The following TTC7B variants were observed in gnomAD, a reference collection of about 807,000 sequenced individuals.
TTC7B encodes the protein tetratricopeptide repeat domain 7B, also known as tetratricopeptide repeat protein 7B.
TTC7B carries 28 observed loss-of-function variants against 106.8 expected under a neutral mutation model. That is an observed-to-expected ratio of 0.26 (90% CI 0.19 to 0.36). The LOEUF is 0.36. Among genes scored for constraint, TTC7B ranks in the 10% least tolerant of loss-of-function variants. TTC7B has a pLI of 1.00. For missense variants in TTC7B, 862 were observed against 1,076.4 expected (o/e 0.80, Z 2.79); for synonymous variants, 405 against 430.6 (o/e 0.94, Z 0.74).
chr14:90,606,575 T>G (rs535701944), intron 17 of TTC7B, among the ~76,000 whole-genome samples: 3 of 152,318 alleles, frequency 2.0e-5, no homozygotes, highest in Non-Finnish European at 4.4e-5. Context: ...GAAAAGACAA[T>G]GACTCAGAGC....
intron 19 of TTC7B, chr14:90,569,808 G>T: frequency 6.6e-6 from 1 of 152,486 alleles, no homozygotes; most frequent in South Asian, 2.1e-4. Flanking sequence ...TGCCCCCTGA[G>T]CCTCTCTCAG....
rs1286966038 is a variant in TTC7B, at chr14:90,663,175, G to A, written c.1153-4788C>T. Reference sequence around the variant, plus strand: ...AAGGCAGGTAGGCCCCTTTATCATCGTCCATTTGCAGGTGAGGAAACTGAG... The same window carrying A: ...AAGGCAGGTAGGCCCCTTTATCATCATCCATTTGCAGGTGAGGAAACTGAG... On this transcript the variant is annotated intron_variant, in intron 9 of 19. Coordinates refer to ENST00000328459, the MANE Select transcript of TTC7B (RefSeq NM_001010854.2). This position sits in a 1 kb window ranked among gnomAD's most constrained non-coding sequence, Gnocchi z 4.5. 2.0e-5 allele frequency among the ~76,000 whole-genome samples: 3 copies of A among 152,156 alleles called. No homozygotes were observed. The highest frequency in any genetic ancestry group is 6.5e-5 in the Admixed American group (1 of 15,284).
rs1171989452 is a variant in TTC7B, at chr14:90,527,155, C to T, written c.*14213G>A. The T allele has an allele frequency of 6.6e-6, 1 of 152,054 alleles. No individual in the cohort carries two copies. Among genetic ancestry groups the T allele is most frequent in the Non-Finnish European group, 1.5e-5 (1 of 68,022 alleles). The allele number at this position is 152,054 out of a possible 1,614,324, so 9.4% of individuals were successfully genotyped here. ...GACCACAGAGATGAGGTGCCCTGCT[C>T]ACCCCATCATATCTGGGGGTACCTG... On this transcript the variant is annotated 3_prime_UTR_variant, in exon 20 of 20. Transcript: ENST00000328459.
chr14:90,786,418 C>G, intron 1 of TTC7B, 90 bp from the exon 2 acceptor site: 6 of 1,524,242 alleles, frequency 3.9e-6, no homozygotes, highest in Non-Finnish European at 5.3e-6. Flanking sequence ...CCACCACCCT[C>G]CGAGGCTCCA....
At chr14:90,806,062 C>T (rs920466885) in intron 1 of TTC7B, among the ~76,000 whole-genome samples, 5 of 152,358 alleles carry the variant, frequency 3.3e-5, no homozygotes, top group Non-Finnish European at 5.9e-5. Flanking sequence ...TCAACAATTC[C>T]GTTTCATTGA....
At chr14:90,691,772 A>C (rs1007915013) in intron 6 of TTC7B, among the ~76,000 whole-genome samples, 1 of 152,246 alleles carries the variant, frequency 6.6e-6, no homozygotes, top group Non-Finnish European at 1.5e-5. Context: ...CATTCAGGAC[A>C]CTCACAATGT....
intron 5 of TTC7B, chr14:90,699,154 G>T (rs984262574): frequency 4.4e-6 from 2 of 455,610 alleles, no homozygotes; most frequent in Admixed American, 4.7e-5. Context: ...CAAGCTTACC[G>T]CACCTGGTTT....
intron 19 of TTC7B, among the ~76,000 whole-genome samples, chr14:90,558,122 G>C (rs12882020): frequency 0.32 from 49,291 of 152,262 alleles, 9,349 homozygotes; most frequent in Admixed American, 0.43. Context: ...CACGCCTGCC[G>C]TCCAGCCCAG....
chr14:90,569,130 C>T (rs1302985342), intron 19 of TTC7B, among the ~76,000 whole-genome samples: 1 of 152,172 alleles, frequency 6.6e-6, no homozygotes, highest in African/African-American at 2.4e-5. Context: ...CAGTGAGACC[C>T]GCATGGTCTC....
chr14:90,618,651 C>T (rs1893185678), intron 15 of TTC7B, among the ~76,000 whole-genome samples: 1 of 152,248 alleles, frequency 6.6e-6, no homozygotes, highest in African/African-American at 2.4e-5. Flanking sequence ...CTCCACCCTC[C>T]ATCCAGACCT....
At chr14:90,653,045 A>G in intron 12 of TTC7B, 147 bp from the exon 13 acceptor site, 1 of 810,398 alleles carries the variant, frequency 1.2e-6, no homozygotes, top group Non-Finnish European at 2.1e-6. Flanking sequence ...CAGGCCCTGG[A>G]GAAGATAGGA....
chr14:90,632,400 T>A (rs1884739225), intron 15 of TTC7B, among the ~76,000 whole-genome samples: 1 of 152,198 alleles, frequency 6.6e-6, no homozygotes, highest in Non-Finnish European at 1.5e-5. Context: ...AGTATGTGTG[T>A]GTGTGCCCGA....
chr14:90,720,556 T>A (rs1404069863), intron 5 of TTC7B, among the ~76,000 whole-genome samples: 1 of 152,178 alleles, frequency 6.6e-6, no homozygotes, highest in East Asian at 1.9e-4. Flanking sequence ...TCCTGCAGTG[T>A]GTTCATTCAC....
At chr14:90,680,867 A>G (rs1420532357) in intron 7 of TTC7B, among the ~76,000 whole-genome samples, 5 of 152,232 alleles carry the variant, frequency 3.3e-5, no homozygotes, top group African/African-American at 9.6e-5. Flanking sequence ...TCCTAAACCT[A>G]TTAGAGAGGT....
At chr14:90,747,354 G>A (rs1216841347) in intron 3 of TTC7B, among the ~76,000 whole-genome samples, 1 of 152,182 alleles carries the variant, frequency 6.6e-6, no homozygotes, top group African/African-American at 2.4e-5. Flanking sequence ...TGCCCTATGT[G>A]CCTTTTTGCT....
chr14:90,790,328 G>T (rs536074545), intron 1 of TTC7B, among the ~76,000 whole-genome samples: 2 of 151,592 alleles, frequency 1.3e-5, no homozygotes, highest in Admixed American at 1.3e-4. Context: ...TTAAAAACTG[G>T]AAGTATATAT....
chr14:90,782,957 A>G (rs112804434), intron 2 of TTC7B, among the ~76,000 whole-genome samples: 1 of 152,148 alleles, frequency 6.6e-6, no homozygotes, highest in African/African-American at 2.4e-5. Flanking sequence ...AAAAAAAAAA[A>G]GGTTAACAAA....
chr14:90,621,956 G>A (rs1286453), intron 15 of TTC7B, among the ~76,000 whole-genome samples: 79,923 of 151,886 alleles, frequency 0.53, 24,006 homozygotes, highest in African/African-American at 0.83. Context: ...ATATAGATTC[G>A]ATGTGCTGAG....
At chr14:90,601,788 C>T (rs1195211639) in intron 17 of TTC7B, among the ~76,000 whole-genome samples, 3 of 152,212 alleles carry the variant, frequency 2.0e-5, no homozygotes, top group African/African-American at 7.2e-5. Context: ...AGGCACCTGA[C>T]TCGCCCTTAA....
Sources: allele counts gnomAD v4.1 joint callset (sites outside exome capture counted in the v4.1 genomes callset), GRCh38; gene constraint gnomAD v4.1.1; non-coding constraint Gnocchi (gnomAD v3.1); transcripts MANE v1.5; gene names NCBI Gene and HGNC (gene_info 2026-07-23, HGNC 2026-07-21).